SLC9A9: variants seen among roughly 807,000 people sequenced by gnomAD.
The protein encoded by SLC9A9 is solute carrier family 9 member A9, also known as sodium/hydrogen exchanger 9.
A neutral mutation model predicts 77.8 loss-of-function variants in SLC9A9; 62 were observed. That is an observed-to-expected ratio of 0.80 (90% CI 0.65 to 0.98). The LOEUF (loss-of-function observed/expected upper bound fraction) is 0.98, where lower values mean the gene tolerates loss of function less well. Among genes scored for constraint, SLC9A9 ranks in the 50% least tolerant of loss-of-function variants. The probability of loss-of-function intolerance (pLI) is 0.00; values close to 1 mark genes in which losing one functional copy is unlikely to be tolerated. For synonymous variants in SLC9A9, 320 were observed against 283.5 expected (o/e 1.13, Z -1.29); for missense variants, 775 against 774.9 (o/e 1.00, Z 0.00).
rs185112474 is a variant in SLC9A9 at position 143,464,757 on chromosome 3, G to A, written c.1469+2280C>T. Among the ~76,000 whole-genome samples the A allele has an allele frequency of 6.6e-5, 10 of 152,314 alleles. No individual in the cohort carries two copies. In the South Asian group the frequency reaches 1.7e-3, roughly 25 times the overall value. On this transcript the variant is annotated intron_variant, in intron 12 of 15. Transcript: ENST00000316549. ...AAGACCTACTGGATGAGAAACTTGG[G>A]CTGGGGCTTAGCAATCTGGGTTTTA...
chr3:143,644,589 C>T (rs1263496577), intron 6 of SLC9A9, among the ~76,000 whole-genome samples: 1 of 152,144 alleles, frequency 6.6e-6, no homozygotes, highest in Non-Finnish European at 1.5e-5. Context: ...GGGCAGCACA[C>T]CGAGCACACA....
At chr3:143,471,711 G>A (rs190976357) in intron 11 of SLC9A9, among the ~76,000 whole-genome samples, 38 of 152,102 alleles carry the variant, frequency 2.5e-4, no homozygotes, top group Non-Finnish European at 4.7e-4. Flanking sequence ...TTTGAGGGTC[G>A]ACAGACTATA....
At chr3:143,636,427 C>T (rs768577948) in intron 6 of SLC9A9, among the ~76,000 whole-genome samples, 57 of 152,152 alleles carry the variant, frequency 3.7e-4, no homozygotes, top group Non-Finnish European at 3.7e-4. Flanking sequence ...CAATCATATC[C>T]GCTCATCTAT....
intron 6 of SLC9A9, among the ~76,000 whole-genome samples, chr3:143,641,093 T>A (rs531733111): frequency 1.3e-5 from 2 of 152,054 alleles, no homozygotes; most frequent in African/African-American, 4.8e-5. Flanking sequence ...AACACGAGGA[T>A]GTCAGAACAG....
intron 4 of SLC9A9, among the ~76,000 whole-genome samples, chr3:143,697,361 T>C (rs1469959502): frequency 6.6e-6 from 1 of 152,140 alleles, no homozygotes; most frequent in African/African-American, 2.4e-5. Flanking sequence ...ACTCCTCCTT[T>C]TTGCTTTTCT....
intron 11 of SLC9A9, among the ~76,000 whole-genome samples, chr3:143,471,919 G>A (rs1211119975): frequency 2.0e-5 from 3 of 152,166 alleles, no homozygotes; most frequent in African/African-American, 7.2e-5. Context: ...ATTGAACCAA[G>A]GAAAGCTTTC....
intron 14 of SLC9A9, among the ~76,000 whole-genome samples, chr3:143,360,190 T>G (rs1702226004): frequency 6.6e-6 from 1 of 152,232 alleles, no homozygotes; most frequent in Non-Finnish European, 1.5e-5. Context: ...TTAAGTTATC[T>G]GGGAATTTGT....
chr3:143,433,519 A>G (rs1389670648), intron 12 of SLC9A9, among the ~76,000 whole-genome samples: 1 of 152,176 alleles, frequency 6.6e-6, no homozygotes, highest in African/African-American at 2.4e-5. Flanking sequence ...AACGTCCAAT[A>G]CATTTAGTGT....
At chr3:143,658,355 T>G (rs1400122349) in intron 5 of SLC9A9, among the ~76,000 whole-genome samples, 2 of 152,214 alleles carry the variant, frequency 1.3e-5, no homozygotes, top group African/African-American at 2.4e-5. Flanking sequence ...TTGAGAGAAA[T>G]GAGAAAATAT....
intron 4 of SLC9A9, among the ~76,000 whole-genome samples, chr3:143,743,276 T>TAGAC: frequency 6.6e-6 from 1 of 150,510 alleles, no homozygotes; most frequent in African/African-American, 2.5e-5. Flanking sequence ...GATAGATAGA[T>TAGAC]AGATAGATAG....
At chr3:143,515,412 T>C (rs2036188803) in intron 9 of SLC9A9, among the ~76,000 whole-genome samples, 1 of 152,180 alleles carries the variant, frequency 6.6e-6, no homozygotes, top group Non-Finnish European at 1.5e-5. Flanking sequence ...AAAATTTCAA[T>C]TTGTAAAAAT....
intron 12 of SLC9A9, among the ~76,000 whole-genome samples, chr3:143,458,517 C>A (rs754052521): frequency 6.6e-6 from 1 of 152,006 alleles, no homozygotes; most frequent in Non-Finnish European, 1.5e-5. Flanking sequence ...TCGTCTCCTG[C>A]CTTCCTTGAA....
intron 4 of SLC9A9, among the ~76,000 whole-genome samples, chr3:143,701,175 A>G (rs1933790435): frequency 6.6e-6 from 1 of 152,220 alleles, no homozygotes; most frequent in Admixed American, 6.5e-5. Flanking sequence ...AGTCTTTCCA[A>G]GAAATATGGG....
At chr3:143,558,461 C>A (rs2037025870) in intron 8 of SLC9A9, among the ~76,000 whole-genome samples, 1 of 152,160 alleles carries the variant, frequency 6.6e-6, no homozygotes, top group South Asian at 2.1e-4. Flanking sequence ...CAGGGTTGTA[C>A]CCTACAAAGC....
intron 14 of SLC9A9, among the ~76,000 whole-genome samples, chr3:143,283,761 A>G (rs1938292749): frequency 6.6e-6 from 1 of 152,196 alleles, no homozygotes; most frequent in African/African-American, 2.4e-5. Flanking sequence ...TATGAGTGCA[A>G]ACGGAAAGTC....
intron 14 of SLC9A9, among the ~76,000 whole-genome samples, chr3:143,292,112 T>C (rs1266389700): frequency 6.6e-6 from 1 of 152,196 alleles, no homozygotes; most frequent in Non-Finnish European, 1.5e-5. Flanking sequence ...AGCAGAAGCC[T>C]CTCCATTGAG....
chr3:143,809,670 A>C (rs56166522), intron 2 of SLC9A9, among the ~76,000 whole-genome samples: 29,481 of 152,250 alleles, frequency 0.19, 3,103 homozygotes, highest in South Asian at 0.32. Flanking sequence ...AGAAGAGCAG[A>C]AAGCTAAAAA....
intron 9 of SLC9A9, among the ~76,000 whole-genome samples, chr3:143,497,126 G>A (rs73008894): frequency 0.02 from 2,970 of 152,266 alleles, 94 homozygotes; most frequent in African/African-American, 0.066. Flanking sequence ...TTTTTAGAGA[G>A]CAAAAACATT....
intron 2 of SLC9A9, among the ~76,000 whole-genome samples, chr3:143,806,878 G>A (rs758865275): frequency 7.9e-5 from 12 of 152,140 alleles, no homozygotes; most frequent in Non-Finnish European, 1.8e-4. Context: ...AAGTATGATT[G>A]GAATGTGTAT....
Sources: allele counts gnomAD v4.1 joint callset (sites outside exome capture counted in the v4.1 genomes callset), GRCh38; gene constraint gnomAD v4.1.1; transcripts MANE v1.5; gene names NCBI Gene and HGNC (gene_info 2026-07-23, HGNC 2026-07-21).